The following RYR2 variants were observed in gnomAD, a reference collection of about 807,000 sequenced individuals.
RYR2 encodes the protein ryanodine receptor 2, also known as cardiac muscle ryanodine receptor-calcium release channel.
Under a neutral mutation model 601.1 loss-of-function variants are expected in RYR2, and 227 were observed. The observed-to-expected ratio is 0.38, with a 90% CI of 0.34 to 0.42. The LOEUF is 0.42. Ranked by LOEUF, RYR2 falls within the 10% of genes least tolerant of loss-of-function variation. The pLI is 1.00. For synonymous variants in RYR2, 2,223 were observed against 2,175.1 expected (o/e 1.02, Z -0.61); for missense variants, 4,646 against 6,156.5 (o/e 0.75, Z 8.21).
At chr1:237,226,643 G>A (rs1684396287) in intron 1 of RYR2, among the ~76,000 whole-genome samples, 1 of 152,160 alleles carries the variant, frequency 6.6e-6, no homozygotes, top group South Asian at 2.1e-4. Flanking sequence ...GCATAGAGAG[G>A]AAGTGATTGG....
chr1:237,469,736 G>T (rs1660500467), intron 17 of RYR2, among the ~76,000 whole-genome samples: 2 of 152,028 alleles, frequency 1.3e-5, no homozygotes, highest in South Asian at 4.2e-4. Flanking sequence ...GGATAGATTG[G>T]GGAGACAGTT....
chr1:237,476,268 G>T (rs924492239), intron 17 of RYR2, among the ~76,000 whole-genome samples: 1 of 152,198 alleles, frequency 6.6e-6, no homozygotes, highest in Non-Finnish European at 1.5e-5. Context: ...CCAGCACTTT[G>T]GGAGGCTGAG....
At chr1:237,124,297 C>T (rs1470237279) in intron 1 of RYR2, among the ~76,000 whole-genome samples, 6 of 152,128 alleles carry the variant, frequency 3.9e-5, no homozygotes, top group Admixed American at 6.5e-5. Context: ...TCACCGAGTG[C>T]GGGGGTCCCT....
At position 237,364,251 on chromosome 1, in the gene RYR2, A is replaced by G. The variant is rs114016617; in HGVS notation, c.295-107A>G. 0.018 allele frequency: 16,513 copies of G among 936,916 alleles called. 193 individuals carry two copies. Among genetic ancestry groups the G allele is most frequent in the South Asian group, 0.03 (1,622 of 53,640 alleles). 58.0% of individuals were successfully genotyped at this position (936,916 alleles called of 1,614,324 possible). Reference sequence around the variant, plus strand: ...TTTTTTTTATGTTTATTGTTTACATAGCTCCATTTAGGATAACGGAGTCTT... The same window carrying G: ...TTTTTTTTATGTTTATTGTTTACATGGCTCCATTTAGGATAACGGAGTCTT... On this transcript the variant is annotated intron_variant, in intron 4 of 104. Transcript: ENST00000366574.
chr1:237,601,235 T>G (rs1047071003), intron 34 of RYR2, among the ~76,000 whole-genome samples: 6 of 152,080 alleles, frequency 3.9e-5, no homozygotes, highest in African/African-American at 1.4e-4. Flanking sequence ...ATATACACAG[T>G]GGAATACTAT....
At chr1:237,549,469 G>C (rs894805562) in intron 26 of RYR2, among the ~76,000 whole-genome samples, 1 of 151,964 alleles carries the variant, frequency 6.6e-6, no homozygotes, top group Non-Finnish European at 1.5e-5. Flanking sequence ...AGCTACTCAG[G>C]GGGCTGAGGT....
chr1:237,058,081 A>C (rs1662389799), intron 1 of RYR2, among the ~76,000 whole-genome samples: 1 of 152,206 alleles, frequency 6.6e-6, no homozygotes. Context: ...CATTAAGACA[A>C]ATGGGAGAAG....
intron 63 of RYR2, among the ~76,000 whole-genome samples, chr1:237,695,900 G>A (rs1687381492): frequency 6.6e-6 from 1 of 152,132 alleles, no homozygotes; most frequent in Admixed American, 6.5e-5. Context: ...AAAATGTGTG[G>A]AGTTCAGTTT....
rs1230208960 is a variant in RYR2 at position 237,660,100 on chromosome 1, T to G, written c.8298+26T>G. The G allele has an allele frequency of 2.3e-6, 3 of 1,328,468 alleles. No individual in the cohort carries two copies. The African/African-American group carries it at 4.5e-5, about 20-fold the overall frequency. The allele number at this position is 1,328,468 out of a possible 1,614,324, so 82.3% of individuals were successfully genotyped here. A position where few individuals can be genotyped will look rare whatever the true frequency, so the allele number is the denominator to read the frequency against. ...GTAAGGATTTTTTGTTTGTTTTAGT[T>G]TGTAAAGTTTTTATTCTTTTGAAAA... On this transcript the variant is annotated intron_variant, in intron 55 of 104. Transcript: ENST00000366574.
chr1:237,631,523 T>G lies in RYR2; in HGVS notation c.6537T>G (p.Leu2179=), dbSNP rs1450139846. The G allele has an allele frequency of 2.5e-6, 4 of 1,609,838 alleles. No individual in the cohort carries two copies. The Admixed American group carries it at 6.7e-5, about 27-fold the overall frequency. ...TGATGGAGGTCATGGTGAACGTCCT[T>G]GGAGGTGGAGAGTCCAAGGTAACGT... ...ETVMEVMVNV[L]GGGESKEITF... The change falls in exon 42 of 105, where the codon CTT becomes CTG. Residue 2179 remains leucine, a synonymous_variant. Transcript: ENST00000366574.
At chr1:237,798,376 G>A (rs181375851) in intron 97 of RYR2, among the ~76,000 whole-genome samples, 206 of 151,488 alleles carry the variant, frequency 1.4e-3, no homozygotes, top group African/African-American at 4.7e-3. Context: ...TTAATTTTTG[G>A]AGGTACCTTT....
At position 237,395,177 on chromosome 1, in the gene RYR2, G is replaced by T. The variant is rs137865370; in HGVS notation, c.773+6994G>T. 1.3e-4 allele frequency among the ~76,000 whole-genome samples: 20 copies of T among 152,240 alleles called. No homozygotes were observed. The East Asian group carries it at 3.5e-3, about 26-fold the overall frequency. Reference sequence around the variant, plus strand: ...TAAGATCTCAACAACACTATATTCAGGATGAAGTGAATGTTAATCTGGGAG... The same window carrying T: ...TAAGATCTCAACAACACTATATTCATGATGAAGTGAATGTTAATCTGGGAG... On this transcript the variant is annotated intron_variant, in intron 10 of 104. Coordinates refer to ENST00000366574, the MANE Select transcript of RYR2 (RefSeq NM_001035.3).
rs368609719 is a variant in RYR2 at position 237,257,627 on chromosome 1, CAG to C, written c.49-12867_49-12866del. On this transcript the variant is annotated intron_variant, in intron 1 of 104. Transcript: ENST00000366574. Reference sequence around the variant, plus strand: ...AGGGATGCGGTATGAACGAGGTCGGCAGAGTCTTTCTTCATGCAGTGTGCGTG... The same window carrying C: ...AGGGATGCGGTATGAACGAGGTCGGCAGTCTTTCTTCATGCAGTGTGCGTG... Among the ~76,000 whole-genome samples the C allele has an allele frequency of 7.9e-5, 12 of 152,278 alleles. No individual in the cohort carries two copies. The South Asian group carries it at 1.9e-3, about 24-fold the overall frequency.
At chr1:237,236,972 A>T (rs1029849179) in intron 1 of RYR2, among the ~76,000 whole-genome samples, 1 of 152,156 alleles carries the variant, frequency 6.6e-6, no homozygotes, top group Non-Finnish European at 1.5e-5. Context: ...CCATATGTCA[A>T]GGGAGGGACT....
At chr1:237,205,956 C>T (rs1572197658) in intron 1 of RYR2, among the ~76,000 whole-genome samples, 1 of 152,322 alleles carries the variant, frequency 6.6e-6, no homozygotes, top group African/African-American at 2.4e-5. Flanking sequence ...TTGCACAAGA[C>T]CTGGTCTAGA....
chr1:237,240,703 A>T (rs1160202080), intron 1 of RYR2, among the ~76,000 whole-genome samples: 1 of 148,082 alleles, frequency 6.8e-6, no homozygotes, highest in African/African-American at 2.5e-5. Flanking sequence ...TGGGTCAGAC[A>T]TACCATGTAG....
intron 87 of RYR2, among the ~76,000 whole-genome samples, chr1:237,777,677 C>A (rs1035353622): frequency 6.6e-6 from 1 of 152,134 alleles, no homozygotes; most frequent in Non-Finnish European, 1.5e-5. Context: ...TACAGCGGAT[C>A]CACCCTAGTA....
At chr1:237,798,557 C>T (rs1235453197) in intron 97 of RYR2, among the ~76,000 whole-genome samples, 1 of 152,096 alleles carries the variant, frequency 6.6e-6, no homozygotes, top group African/African-American at 2.4e-5. Context: ...GAAAAGGGAA[C>T]TATGTAGCCC....
intron 3 of RYR2, among the ~76,000 whole-genome samples, chr1:237,345,885 A>T (rs1032321706): frequency 6.6e-6 from 1 of 152,026 alleles, no homozygotes; most frequent in Non-Finnish European, 1.5e-5. Context: ...TTATCTCCCA[A>T]ATGAAATTAC....
Sources: allele counts gnomAD v4.1 joint callset (sites outside exome capture counted in the v4.1 genomes callset), GRCh38; gene constraint gnomAD v4.1.1; transcripts MANE v1.5; gene names NCBI Gene and HGNC (gene_info 2026-07-23, HGNC 2026-07-21).